Variants in RNF216 observed in about 807,000 individuals in gnomAD.
The protein encoded by RNF216 is E3 ubiquitin-protein ligase RNF216.
RNF216 carries 72 observed loss-of-function variants against 110.8 expected under a neutral mutation model. That is an observed-to-expected ratio of 0.65 (90% CI 0.54 to 0.79). The LOEUF is 0.79. Among genes scored for constraint, RNF216 ranks in the 30% least tolerant of loss-of-function variants. RNF216 has a pLI of 0.00. For missense variants in RNF216, 1,342 were observed against 1,141.2 expected (o/e 1.18, Z -2.54); for synonymous variants, 495 against 407.5 (o/e 1.21, Z -2.59).
intron 1 of RNF216, among the ~76,000 whole-genome samples, chr7:5,769,988 T>C (rs1796408596): frequency 8.6e-6 from 1 of 116,118 alleles, no homozygotes; most frequent in Non-Finnish European, 1.6e-5. Context: ...ATTGTGCCAC[T>C]GTACTCCAAC....
At chr7:5,698,817 G>A (rs1400509099) in intron 13 of RNF216, among the ~76,000 whole-genome samples, 2 of 152,128 alleles carry the variant, frequency 1.3e-5, no homozygotes, top group African/African-American at 4.8e-5. Context: ...CCCTCCTCTA[G>A]GATGAAGAGC....
intron 15 of RNF216, among the ~76,000 whole-genome samples, chr7:5,631,715 A>G (rs1198897349): frequency 6.6e-6 from 1 of 152,236 alleles, no homozygotes; most frequent in African/African-American, 2.4e-5. Context: ...TATTGATTAA[A>G]ACAATCTTGG....
chr7:5,709,534 G>C (rs1792526364), intron 13 of RNF216, among the ~76,000 whole-genome samples: 1 of 152,122 alleles, frequency 6.6e-6, no homozygotes, highest in African/African-American at 2.4e-5. Context: ...GGCTTTTTCT[G>C]CAAGTGATCT....
chr7:5,737,486 C>T (rs1383744988), intron 5 of RNF216, among the ~76,000 whole-genome samples: 2 of 151,216 alleles, frequency 1.3e-5, no homozygotes, highest in Admixed American at 6.6e-5. Flanking sequence ...CTGCCTAATC[C>T]CCCTCTGCGA....
chr7:5,725,139 CCAA>C (rs1324196587), intron 8 of RNF216, among the ~76,000 whole-genome samples, 182 bp downstream of exon 8: 7 of 152,152 alleles, frequency 4.6e-5, no homozygotes, highest in Admixed American at 3.9e-4. Flanking sequence ...AAGAAGGAAG[CCAA>C]CAAGTGCAGC....
chr7:5,719,674 T>C (rs1239147430), intron 9 of RNF216, among the ~76,000 whole-genome samples: 2 of 152,228 alleles, frequency 1.3e-5, no homozygotes, highest in Admixed American at 6.5e-5. Context: ...CTATAACAGA[T>C]GGATCAAAAC....
At chr7:5,675,584 T>A (rs1381236404) in intron 13 of RNF216, among the ~76,000 whole-genome samples, 1 of 152,076 alleles carries the variant, frequency 6.6e-6, no homozygotes, top group African/African-American at 2.4e-5. Flanking sequence ...CGGGCTGCAG[T>A]GAGCTAGGAT....
intron 13 of RNF216, among the ~76,000 whole-genome samples, chr7:5,694,798 C>A (rs1250886902): frequency 6.6e-6 from 1 of 152,186 alleles, no homozygotes; most frequent in African/African-American, 2.4e-5. Flanking sequence ...ATTTTACAGC[C>A]ACTCTCTCAA....
chr7:5,750,016 T>C (rs896815513), intron 3 of RNF216, among the ~76,000 whole-genome samples: 3 of 152,236 alleles, frequency 2.0e-5, no homozygotes, highest in Non-Finnish European at 2.9e-5. Flanking sequence ...ATAAAAATAT[T>C]TGCTTTTCCT....
At chr7:5,689,899 C>T (rs996408588) in intron 13 of RNF216, among the ~76,000 whole-genome samples, 3 of 150,942 alleles carry the variant, frequency 2.0e-5, no homozygotes, top group Admixed American at 6.6e-5. Flanking sequence ...CAAGATTGCG[C>T]CACTGCATTC....
chr7:5,753,908 T>A (rs1251388100), intron 2 of RNF216, among the ~76,000 whole-genome samples: 1 of 152,014 alleles, frequency 6.6e-6, no homozygotes, highest in Non-Finnish European at 1.5e-5. Flanking sequence ...GGCAGGAGAA[T>A]CGTTTGAACT....
intron 13 of RNF216, among the ~76,000 whole-genome samples, chr7:5,660,066 C>T (rs1321593560): frequency 2.0e-5 from 3 of 150,776 alleles, no homozygotes; most frequent in Admixed American, 6.6e-5. Flanking sequence ...GCAATTCTCC[C>T]GCCTCTATCT....
intron 13 of RNF216, among the ~76,000 whole-genome samples, chr7:5,677,290 G>C (rs1790363470): frequency 6.6e-6 from 1 of 152,324 alleles, no homozygotes; most frequent in South Asian, 2.1e-4. Context: ...GATGTTACAT[G>C]CTCTACTGTA....
At chr7:5,717,734 A>C (rs180675993) in intron 9 of RNF216, among the ~76,000 whole-genome samples, 1 of 152,346 alleles carries the variant, frequency 6.6e-6, no homozygotes, top group African/African-American at 2.4e-5. Context: ...GCCAGGATGC[A>C]TGGTTAAATG....
At chr7:5,649,881 A>C (rs1788282814) in intron 14 of RNF216, 1 of 152,246 alleles carries the variant, frequency 6.6e-6, no homozygotes, top group African/African-American at 2.4e-5. Context: ...AATGATTTGG[A>C]AAATGCTTTT....
At chr7:5,733,736 T>G in intron 5 of RNF216, among the ~76,000 whole-genome samples, 1 of 149,778 alleles carries the variant, frequency 6.7e-6, no homozygotes, top group Non-Finnish European at 1.5e-5. Flanking sequence ...ATACAATTAG[T>G]AAACAAATAT....
chr7:5,758,730 C>A (rs948495304), intron 2 of RNF216, among the ~76,000 whole-genome samples: 2 of 152,104 alleles, frequency 1.3e-5, no homozygotes, highest in Non-Finnish European at 2.9e-5. Flanking sequence ...ATGCATGTAC[C>A]CCCATAGTAT....
chr7:5,773,079 C>T (rs1307541079), intron 1 of RNF216, among the ~76,000 whole-genome samples: 1 of 152,064 alleles, frequency 6.6e-6, no homozygotes, highest in Non-Finnish European at 1.5e-5. Flanking sequence ...CATGCCTGGC[C>T]CCAGGTATTC....
chr7:5,645,286 TG>T (rs1358791039), intron 14 of RNF216, among the ~76,000 whole-genome samples: 2 of 152,362 alleles, frequency 1.3e-5, no homozygotes, highest in African/African-American at 4.8e-5. Flanking sequence ...TCATCAGATT[TG>T]GGAAGTTTTC....
Sources: allele counts gnomAD v4.1 joint callset (sites outside exome capture counted in the v4.1 genomes callset), GRCh38; gene constraint gnomAD v4.1.1; transcripts MANE v1.5; gene names NCBI Gene and HGNC (gene_info 2026-07-23, HGNC 2026-07-21).